GOPC: variants seen among roughly 807,000 people sequenced by gnomAD.
GOPC encodes golgi associated PDZ and coiled-coil motif containing.
In GOPC, 32 loss-of-function variants were observed where a neutral mutation model predicts 51.2. The ratio of observed to expected loss-of-function variants is 0.63; its 90% CI spans 0.47 to 0.84. GOPC has a LOEUF of 0.84. Among genes scored for constraint, GOPC ranks in the 40% least tolerant of loss-of-function variants. GOPC has a pLI of 0.00. For missense variants in GOPC, 441 were observed against 555.5 expected (o/e 0.79, Z 2.07); for synonymous variants, 190 against 205.1 (o/e 0.93, Z 0.63).
Position 117,602,209 on chromosome 6 carries a change from C to A in GOPC, c.80G>T (p.Gly27Val). 1 of 1,608,862 alleles carries A rather than the reference C, an allele frequency of 6.2e-7. No homozygotes were observed. Among genetic ancestry groups the A allele is most frequent in the Non-Finnish European group, 8.5e-7 (1 of 1,179,990 alleles). ...GASCSVGAPGGVSMFRWLEVL... is the reference protein window; with the variant it reads ...GASCSVGAPGVVSMFRWLEVL... ...CTCCAGCCACCGGAACATGGATACC[C>A]CGCCAGGGGCCCCCACGGAGCAGGA... The change falls in exon 1 of 9, where the codon GGG (glycine) becomes GTG (valine). Residue 27 changes from glycine to valine, a missense_variant. Transcript: ENST00000368498.
At chr6:117,563,811 A>C (rs1779638706) in intron 8 of GOPC, among the ~76,000 whole-genome samples, 1 of 152,092 alleles carries the variant, frequency 6.6e-6, no homozygotes, top group African/African-American at 2.4e-5. Flanking sequence ...AACATTAGTA[A>C]TCTGAGGCAA....
Position 117,561,905 on chromosome 6 carries a change from C to CA in GOPC, c.*1348dup, listed in dbSNP as rs1381522406. The CA allele has an allele frequency of 3.9e-5, 8 of 205,960 alleles. No individual in the cohort carries two copies. Among genetic ancestry groups the CA allele is most frequent in the Non-Finnish European group, 6.0e-5 (6 of 100,832 alleles). The allele number at this position is 205,960 out of a possible 1,614,324, so 12.8% of individuals were successfully genotyped here. A position where few individuals can be genotyped will look rare whatever the true frequency, so the allele number is the denominator to read the frequency against. Reference sequence around the variant, plus strand: ...AAATATATAGTGTATCTGGGAAAGCCAAAAAAAATGTGTTTTATCACATAA... The same window carrying CA: ...AAATATATAGTGTATCTGGGAAAGCCAAAAAAAAATGTGTTTTATCACATAA... On this transcript the variant is annotated 3_prime_UTR_variant, in exon 9 of 9. Coordinates refer to ENST00000368498, the MANE Select transcript of GOPC (RefSeq NM_020399.4).
chr6:117,597,337 AC>A (rs1780211656), intron 1 of GOPC, among the ~76,000 whole-genome samples: 1 of 152,218 alleles, frequency 6.6e-6, no homozygotes, highest in African/African-American at 2.4e-5. Flanking sequence ...GCAAACAGCA[AC>A]AGTCTGACTT....
At chr6:117,584,414 GT>G (rs1361347640) in intron 1 of GOPC, among the ~76,000 whole-genome samples, 4 of 152,192 alleles carry the variant, frequency 2.6e-5, no homozygotes, top group Non-Finnish European at 5.9e-5. Flanking sequence ...TCAAGTTGGG[GT>G]TCCCACATTT....
intron 1 of GOPC, among the ~76,000 whole-genome samples, chr6:117,590,124 G>C (rs529811824): frequency 1.7e-3 from 254 of 152,116 alleles, no homozygotes; most frequent in Non-Finnish European, 3.0e-3. Context: ...AATGATTGTG[G>C]GTAATCTTTG....
chr6:117,575,137 T>C, intron 4 of GOPC, 40 bp downstream of exon 4: 1 of 1,431,776 alleles, frequency 7.0e-7, no homozygotes, highest in Non-Finnish European at 9.5e-7. Context: ...AATATCCAAT[T>C]TGTCACTTAA....
intron 1 of GOPC, among the ~76,000 whole-genome samples, chr6:117,593,071 C>T (rs868006303): frequency 2.6e-5 from 4 of 152,252 alleles, no homozygotes; most frequent in Middle Eastern, 6.8e-3. Flanking sequence ...CAGTACAGAC[C>T]GGTTGCACCA....
chr6:117,587,012 T>C (rs1260902213), intron 1 of GOPC, among the ~76,000 whole-genome samples: 1 of 152,192 alleles, frequency 6.6e-6, no homozygotes, highest in African/African-American at 2.4e-5. Context: ...TGAGTCTTAC[T>C]CTAAAACACA....
chr6:117,575,448 AATGT>A, intron 3 of GOPC, 96 bp from the exon 4 acceptor site: 4 of 891,128 alleles, frequency 4.5e-6, no homozygotes, highest in Non-Finnish European at 7.5e-6. Flanking sequence ...ACAGTTCAAC[AATGT>A]ATCATCTCTA....
At chr6:117,570,176 G>GGT (rs1207262950) in intron 6 of GOPC, among the ~76,000 whole-genome samples, 6 of 151,112 alleles carry the variant, frequency 4.0e-5, no homozygotes, top group East Asian at 1.9e-4. Context: ...TGTGTGTAGG[G>GGT]GTGTGTGTGT....
At chr6:117,594,721 T>A (rs974631084) in intron 1 of GOPC, among the ~76,000 whole-genome samples, 2 of 152,152 alleles carry the variant, frequency 1.3e-5, no homozygotes, top group Non-Finnish European at 1.5e-5. Flanking sequence ...TGGCTCTAGA[T>A]CAAAGTTAAA....
At chr6:117,593,357 A>G (rs183212995) in intron 1 of GOPC, among the ~76,000 whole-genome samples, 1 of 151,870 alleles carries the variant, frequency 6.6e-6, no homozygotes, top group Admixed American at 6.6e-5. Context: ...AATATTAACT[A>G]CCCCACTCTT....
At chr6:117,590,571 C>CAAAAAAAAA (rs563071906) in intron 1 of GOPC, among the ~76,000 whole-genome samples, 21 of 69,392 alleles carry the variant, frequency 3.0e-4, no homozygotes, top group East Asian at 4.1e-4. Context: ...GACCCTGTCT[C>CAAAAAAAAA]AAAAAAAAAA....
At chr6:117,594,340 T>C (rs1780161930) in intron 1 of GOPC, among the ~76,000 whole-genome samples, 1 of 152,190 alleles carries the variant, frequency 6.6e-6, no homozygotes, top group Non-Finnish European at 1.5e-5. Flanking sequence ...TATTTACACA[T>C]AATTCCTTTA....
Position 117,561,666 on chromosome 6 carries a change from C to G in GOPC, c.*1588G>C, listed in dbSNP as rs1779586833. 1 of 199,674 alleles carries G rather than the reference C, an allele frequency of 5.0e-6. No individual in the cohort carries two copies. Among genetic ancestry groups the G allele is most frequent in the African/African-American group, 2.3e-5 (1 of 43,418 alleles). 12.4% of individuals were successfully genotyped at this position (199,674 alleles called of 1,614,324 possible). A position where few individuals can be genotyped will look rare whatever the true frequency, so the allele number is the denominator to read the frequency against. ...GCTTATTCATTTGTACAATTAAATACTAGCTTTTGCTCAGAGACAATGCTA... is the reference window on the plus strand; with the variant it reads ...GCTTATTCATTTGTACAATTAAATAGTAGCTTTTGCTCAGAGACAATGCTA... On this transcript the variant is annotated 3_prime_UTR_variant, in exon 9 of 9. Transcript: ENST00000368498.
intron 2 of GOPC, among the ~76,000 whole-genome samples, chr6:117,578,587 A>G (rs1457343519): frequency 6.6e-6 from 1 of 152,068 alleles, no homozygotes; most frequent in Non-Finnish European, 1.5e-5. Flanking sequence ...TGTTATATGC[A>G]ACTGAATTTA....
chr6:117,570,939 T>C lies in GOPC; in HGVS notation c.833A>G (p.Lys278Arg), dbSNP rs149195394. The change falls in exon 6 of 9, where the codon AAG (lysine) becomes AGG (arginine). Residue 278 changes from lysine (K) to arginine (R), a missense_variant. Transcript: ENST00000368498. ...AATTGGACCAACACCTTGGCTTTTC[T>C]TTAGGGAATCTTGATCCTTATTGGG... ...APPGHDQDSL[K>R]KSQGVGPIRK... The C allele has an allele frequency of 2.1e-5, 33 of 1,592,656 alleles. No individual in the cohort carries two copies. In the African/African-American group the frequency reaches 4.0e-4, roughly 19 times the overall value.
intron 8 of GOPC, among the ~76,000 whole-genome samples, chr6:117,566,519 A>G (rs1779700708): frequency 6.6e-6 from 1 of 152,190 alleles, no homozygotes; most frequent in African/African-American, 2.4e-5. Flanking sequence ...GCATCAAGAC[A>G]GACAGACAAT....
rs1049054185 is a variant in GOPC, at chr6:117,584,626, A to T, written c.286-5562T>A. 8.5e-5 allele frequency among the ~76,000 whole-genome samples: 13 copies of T among 152,172 alleles called. 1 individual carries two copies. The South Asian group carries it at 1.2e-3, about 15-fold the overall frequency. ...ACTTCCATGTGTTCATCTATCCAGA[A>T]GCTCTCCTAACCCTGTCCTTTTAGG... On this transcript the variant is annotated intron_variant, in intron 1 of 8. Transcript: ENST00000368498.
Sources: allele counts gnomAD v4.1 joint callset (sites outside exome capture counted in the v4.1 genomes callset), GRCh38; gene constraint gnomAD v4.1.1; transcripts MANE v1.5; gene names NCBI Gene and HGNC (gene_info 2026-07-23, HGNC 2026-07-21).